Variants in CRLF3 observed in about 807,000 individuals in gnomAD.
CRLF3 encodes cytokine receptor like factor 3, also known as cytokine receptor-like factor 3.
CRLF3 carries 33 observed loss-of-function variants against 55.0 expected under a neutral mutation model. The observed-to-expected ratio is 0.60, with a 90% CI of 0.46 to 0.80. CRLF3 has a LOEUF of 0.80. Ranked by LOEUF, CRLF3 falls within the 30% of genes least tolerant of loss-of-function variation. The probability of loss-of-function intolerance (pLI) is 0.00; values close to 1 mark genes in which losing one functional copy is unlikely to be tolerated. For synonymous variants in CRLF3, 238 were observed against 196.8 expected (o/e 1.21, Z -1.75); for missense variants, 494 against 538.4 (o/e 0.92, Z 0.82).
chr17:30,814,371 C>T (rs1011883416), intron 1 of CRLF3, among the ~76,000 whole-genome samples: 2 of 152,006 alleles, frequency 1.3e-5, no homozygotes, highest in African/African-American at 4.8e-5. Context: ...GAATAGTTAT[C>T]GGCCAGGAGC....
At chr17:30,822,815 C>T (rs1023141527) in intron 1 of CRLF3, among the ~76,000 whole-genome samples, 4 of 152,110 alleles carry the variant, frequency 2.6e-5, no homozygotes, top group Admixed American at 1.3e-4. Flanking sequence ...ATATAGAATA[C>T]ATCTTAACTG....
intron 1 of CRLF3, among the ~76,000 whole-genome samples, chr17:30,812,557 T>C (rs1567667479): frequency 6.6e-6 from 1 of 152,170 alleles, no homozygotes; most frequent in Non-Finnish European, 1.5e-5. Flanking sequence ...AGTGCTTAAT[T>C]GAGAACTTTC....
chr17:30,795,019 T>C (rs947898464), intron 4 of CRLF3, among the ~76,000 whole-genome samples: 5 of 152,114 alleles, frequency 3.3e-5, no homozygotes, highest in African/African-American at 1.2e-4. Flanking sequence ...AATATTAATA[T>C]TTTACAAACT....
chr17:30,794,229 A>G (rs78132855), intron 4 of CRLF3, among the ~76,000 whole-genome samples: 2,711 of 152,296 alleles, frequency 0.018, 93 homozygotes, highest in African/African-American at 0.061. Flanking sequence ...TTTTTAATCA[A>G]TGCCAAAGAT....
At chr17:30,811,978 C>T (rs1191702773) in intron 1 of CRLF3, among the ~76,000 whole-genome samples, 3 of 151,596 alleles carry the variant, frequency 2.0e-5, no homozygotes, top group Non-Finnish European at 4.4e-5. Context: ...GGCTTGGTGG[C>T]GGGCACTTGT....
intron 6 of CRLF3, among the ~76,000 whole-genome samples, chr17:30,789,258 C>T (rs1189347544): frequency 6.6e-6 from 1 of 152,140 alleles, no homozygotes; most frequent in Non-Finnish European, 1.5e-5. Context: ...TTATTGAGAC[C>T]TAATGTGTCT....
At chr17:30,804,230 T>A (rs1247116936) in intron 1 of CRLF3, 122 bp from the exon 2 acceptor site, 1 of 661,682 alleles carries the variant, frequency 1.5e-6, no homozygotes, top group African/African-American at 1.8e-5. Context: ...AAAAAAAAGA[T>A]TAACTGAAAT....
chr17:30,797,453 TCAACA>T, intron 2 of CRLF3, 55 bp from the exon 3 acceptor site: 1 of 1,380,218 alleles, frequency 7.2e-7, no homozygotes, highest in Admixed American at 1.7e-5. Flanking sequence ...TATAAAGTAA[TCAACA>T]CAACTCATGT....
intron 1 of CRLF3, among the ~76,000 whole-genome samples, chr17:30,814,956 T>C (rs1033427334): frequency 3.3e-5 from 5 of 151,548 alleles, no homozygotes; most frequent in Non-Finnish European, 5.9e-5. Flanking sequence ...TGAGCCAATA[T>C]TGCGCCATTG....
Position 30,793,644 on chromosome 17 carries a change from T to C in CRLF3, c.632A>G (p.Tyr211Cys), listed in dbSNP as rs376431080. 1 of 1,613,778 alleles carries C rather than the reference T, an allele frequency of 6.2e-7. No homozygotes were observed. ...KVDDDFTAQD[Y>C]RLQFRKCTSN... ...AGTACATTTACGAAACTGGAGCCTG[T>C]AATCTTGGGCTGTAAAGTCATCATC... The change falls in exon 5 of 8, where the codon TAC (tyrosine) becomes TGC (cysteine). Residue 211 changes from tyrosine to cysteine, a missense_variant. Transcript: ENST00000324238.
At chr17:30,813,822 A>G (rs555002201) in intron 1 of CRLF3, among the ~76,000 whole-genome samples, 1 of 150,692 alleles carries the variant, frequency 6.6e-6, no homozygotes, top group Admixed American at 6.7e-5. Context: ...ATGGCCAGGT[A>G]AAGCAGATAC....
In CRLF3 at chr17:30,783,828, T is replaced by G. The variant is rs1202391089; in HGVS notation, c.*359A>C. On this transcript the variant is annotated 3_prime_UTR_variant, in exon 8 of 8. Coordinates refer to ENST00000324238, the MANE Select transcript of CRLF3 (RefSeq NM_015986.4). ...TAAAGAGTTACATGGACTTGGATCC[T>G]TTAAGATGATTTTAAAAATAATATT... is the stretch of plus-strand genomic sequence containing the variant. The G allele has an allele frequency of 5.4e-6, 1 of 185,880 alleles. No individual in the cohort carries two copies. Among genetic ancestry groups the G allele is most frequent in the East Asian group, 1.5e-4 (1 of 6,756 alleles). 11.5% of individuals were successfully genotyped at this position (185,880 alleles called of 1,614,324 possible).
chr17:30,796,017 C>G, intron 4 of CRLF3, 143 bp downstream of exon 4: 1 of 478,208 alleles, frequency 2.1e-6, no homozygotes, highest in Non-Finnish European at 3.7e-6. Flanking sequence ...TTCCATGTGA[C>G]TTCATTTTAA....
chr17:30,821,331 T>A, intron 1 of CRLF3, among the ~76,000 whole-genome samples: 1 of 137,616 alleles, frequency 7.3e-6, no homozygotes, highest in Admixed American at 7.3e-5. Flanking sequence ...CAGAGTGAGG[T>A]CCTTTCTCAA....
In CRLF3 at chr17:30,783,854, A is replaced by G. The variant is rs1351326247; in HGVS notation, c.*333T>C. The G allele has an allele frequency of 5.0e-6, 1 of 200,282 alleles. No homozygotes were observed. The highest frequency in any genetic ancestry group is 1.0e-5 in the Non-Finnish European group (1 of 98,090). The allele number at this position is 200,282 out of a possible 1,614,324, so 12.4% of individuals were successfully genotyped here. A position where few individuals can be genotyped will look rare whatever the true frequency, so the allele number is the denominator to read the frequency against. ...TTAAGATGATTTTAAAAATAATATT[A>G]CATTAAGTTTTCCTGGTCTAATAAC... is the stretch of plus-strand genomic sequence containing the variant. On this transcript the variant is annotated 3_prime_UTR_variant, in exon 8 of 8. Coordinates refer to ENST00000324238, the MANE Select transcript of CRLF3 (RefSeq NM_015986.4).
chr17:30,824,680 C>G lies in CRLF3; in HGVS notation c.-29G>C, dbSNP rs766109352. On this transcript the variant is annotated 5_prime_UTR_variant, in exon 1 of 8. Coordinates refer to ENST00000324238, the MANE Select transcript of CRLF3 (RefSeq NM_015986.4). ...GCCGCGCGGCCGGCGAAACCTAGCG[C>G]GGGTTCCCGACTGCACCGGGCGCCT... The G allele has an allele frequency of 8.0e-5, 126 of 1,580,220 alleles. No homozygotes were observed. The highest frequency in any genetic ancestry group is 1.0e-4 in the Non-Finnish European group (119 of 1,170,180).
chr17:30,824,287 CCA>C lies in CRLF3; in HGVS notation c.129+234_129+235del, dbSNP rs147453820. On this transcript the variant is annotated intron_variant, in intron 1 of 7. Coordinates refer to ENST00000324238, the MANE Select transcript of CRLF3 (RefSeq NM_015986.4). ...GGCCACCGCTACTCCCATCGCTGCC[CCA>C]CAGTTTAGTGAACGCTCCTCACACC... 7.5e-3 allele frequency among the ~76,000 whole-genome samples: 1,138 copies of C among 151,960 alleles called. 15 individuals carry two copies. The highest frequency in any genetic ancestry group is 0.026 in the African/African-American group (1,084 of 41,336).
intron 6 of CRLF3, among the ~76,000 whole-genome samples, chr17:30,788,334 A>AG (rs1416758285): frequency 2.1e-4 from 31 of 148,740 alleles, no homozygotes; most frequent in Non-Finnish European, 3.7e-4. Flanking sequence ...TCAAAAAAAA[A>AG]AAAAGAAAAG....
intron 1 of CRLF3, chr17:30,809,868 C>T (rs1904555948): frequency 6.6e-6 from 1 of 152,136 alleles, no homozygotes; most frequent in Non-Finnish European, 1.5e-5. Context: ...CCAGGCTGGT[C>T]TCGAACTCCT....
Sources: allele counts gnomAD v4.1 joint callset (sites outside exome capture counted in the v4.1 genomes callset), GRCh38; gene constraint gnomAD v4.1.1; transcripts MANE v1.5; gene names NCBI Gene and HGNC (gene_info 2026-07-23, HGNC 2026-07-21).